Variants in TRAP1 observed in about 807,000 individuals in gnomAD.
TRAP1 encodes TNF receptor associated protein 1, also known as heat shock protein 75 kDa, mitochondrial.
Under a neutral mutation model 89.1 loss-of-function variants are expected in TRAP1, and 102 were observed. The ratio of observed to expected loss-of-function variants is 1.15; its 90% confidence interval spans 0.98 to 1.35. The LOEUF is 1.35. TRAP1 is among the 40% of genes most tolerant of loss of function. The probability of loss-of-function intolerance (pLI) is 0.00; values close to 1 mark genes in which losing one functional copy is unlikely to be tolerated. For missense variants in TRAP1, 1,256 were observed against 945.3 expected, an observed-to-expected ratio of 1.33 and a Z score of -4.31; for synonymous variants, 508 against 388.0, an observed-to-expected ratio of 1.31 and a Z score of -3.64.
intron 11 of TRAP1, among the ~76,000 whole-genome samples, chr16:3,668,865 T>G (rs2050872779): frequency 6.6e-6 from 1 of 152,140 alleles, no homozygotes; most frequent in Non-Finnish European, 1.5e-5. Flanking sequence ...CAGTTCTCAG[T>G]GGAGAAGAAA....
At position 3,679,793 on chromosome 16, in the gene TRAP1, G is replaced by C; in HGVS notation, c.472-3C>G. 3 of 1,614,028 alleles carry C rather than the reference G, an allele frequency of 1.9e-6. No homozygotes were observed. The highest frequency in any genetic ancestry group is 2.5e-6 in the Non-Finnish European group (3 of 1,179,994). On this transcript the variant is annotated splice_polypyrimidine_tract_variant and splice_region_variant and intron_variant, in intron 4 of 17. Coordinates refer to ENST00000246957, the MANE Select transcript of TRAP1 (RefSeq NM_016292.3). ...TGTGTCATCCCGATACCAGTATCCTGAGGAGAGAGACGCACTAAGTGCCAA... is the reference window on the plus strand; with the variant it reads ...TGTGTCATCCCGATACCAGTATCCTCAGGAGAGAGACGCACTAAGTGCCAA...
intron 1 of TRAP1, among the ~76,000 whole-genome samples, chr16:3,704,930 A>T: frequency 6.6e-6 from 1 of 152,188 alleles, no homozygotes. Flanking sequence ...AATAAAAGCT[A>T]AAAGTACTGA....
At chr16:3,673,213 G>A (rs1014642424) in intron 9 of TRAP1, among the ~76,000 whole-genome samples, 2 of 152,228 alleles carry the variant, frequency 1.3e-5, no homozygotes, top group African/African-American at 4.8e-5. Flanking sequence ...TCAAACAGTT[G>A]AGGAAAGATT....
chr16:3,666,154 G>A (rs1308263404), intron 11 of TRAP1, 36 bp from the exon 12 acceptor site: 1 of 1,588,774 alleles, frequency 6.3e-7, no homozygotes. Context: ...CATACAAGCA[G>A]CCTCTATGAA....
intron 1 of TRAP1, among the ~76,000 whole-genome samples, chr16:3,698,047 G>C (rs574089409): frequency 2.0e-5 from 3 of 151,842 alleles, no homozygotes; most frequent in African/African-American, 4.8e-5. Flanking sequence ...TCCTGACCTC[G>C]TGATCCGTCT....
chr16:3,682,392 A>C (rs1567234009), intron 4 of TRAP1, among the ~76,000 whole-genome samples: 1 of 151,406 alleles, frequency 6.6e-6, no homozygotes, highest in Non-Finnish European at 1.5e-5. Flanking sequence ...CTCTACAAAA[A>C]AAAAAAAAAA....
At chr16:3,706,048 C>A (rs2051440260) in intron 1 of TRAP1, among the ~76,000 whole-genome samples, 1 of 149,484 alleles carries the variant, frequency 6.7e-6, no homozygotes, top group African/African-American at 2.5e-5. Flanking sequence ...GGTGTAATCT[C>A]CGCTCACTGC....
chr16:3,698,739 T>G (rs2051325021), intron 1 of TRAP1, among the ~76,000 whole-genome samples: 1 of 151,928 alleles, frequency 6.6e-6, no homozygotes, highest in Non-Finnish European at 1.5e-5. Context: ...AAACCCCATC[T>G]CTACAAAAAA....
Position 3,663,300 on chromosome 16 carries a change from C to T in TRAP1, c.1708+124G>A. 3 of 1,334,942 alleles carry T rather than the reference C, an allele frequency of 2.2e-6. No homozygotes were observed. In the South Asian group the frequency reaches 4.2e-5, roughly 19 times the overall value. 82.7% of individuals were successfully genotyped at this position (1,334,942 alleles called of 1,614,324 possible). On this transcript the variant is annotated intron_variant, in intron 14 of 17. Coordinates refer to ENST00000246957, the MANE Select transcript of TRAP1 (RefSeq NM_016292.3). Reference sequence around the variant, plus strand: ...GTCACCAGGGTGCTCCCACAAGGCTCTTCTCGGGGGTGGCTGAGCCCAGGT... The same window carrying T: ...GTCACCAGGGTGCTCCCACAAGGCTTTTCTCGGGGGTGGCTGAGCCCAGGT...
intron 1 of TRAP1, among the ~76,000 whole-genome samples, chr16:3,692,607 T>G (rs1173741253): frequency 6.7e-6 from 1 of 149,286 alleles, no homozygotes; most frequent in African/African-American, 2.5e-5. Flanking sequence ...TTTTTTTTTT[T>G]TTTTTTTTGA....
At chr16:3,658,934 G>T in intron 16 of TRAP1, 69 bp from the exon 17 acceptor site, 1 of 1,500,960 alleles carries the variant, frequency 6.7e-7, no homozygotes, top group Non-Finnish European at 9.2e-7. Flanking sequence ...TCATGTTTTG[G>T]GATTATCAGG....
At chr16:3,669,706 T>C (rs1810297812) in intron 11 of TRAP1, among the ~76,000 whole-genome samples, 1 of 151,260 alleles carries the variant, frequency 6.6e-6, no homozygotes, top group African/African-American at 2.4e-5. Context: ...TGGTGGTGGG[T>C]GCCTGTATCC....
At chr16:3,669,492 T>G in intron 11 of TRAP1, among the ~76,000 whole-genome samples, 1 of 152,132 alleles carries the variant, frequency 6.6e-6, no homozygotes, top group East Asian at 1.9e-4. Context: ...TCCGACCAAG[T>G]AACCCCACCC....
intron 1 of TRAP1, among the ~76,000 whole-genome samples, chr16:3,693,132 A>G (rs763555860): frequency 2.0e-5 from 3 of 151,644 alleles, no homozygotes; most frequent in Non-Finnish European, 4.4e-5. Flanking sequence ...TATTTTTAGT[A>G]GAGACGAGGT....
At chr16:3,685,036 C>T (rs1480467416) in intron 4 of TRAP1, among the ~76,000 whole-genome samples, 2 of 152,120 alleles carry the variant, frequency 1.3e-5, no homozygotes, top group Middle Eastern at 3.2e-3. Context: ...TGCTAAAGAC[C>T]AAGAATCATG....
chr16:3,661,980 G>A lies in TRAP1; in HGVS notation c.1940+7C>T. ...ACAGGCTGGAAGAGCCAGGAGCGTG[G>A]CCTCACCTGGGGTTGATCTCCAGCG... On this transcript the variant is annotated splice_region_variant and intron_variant, in intron 16 of 17. Coordinates refer to ENST00000246957, the MANE Select transcript of TRAP1 (RefSeq NM_016292.3). The A allele has an allele frequency of 1.9e-6, 3 of 1,597,360 alleles. No homozygotes were observed. Among genetic ancestry groups the A allele is most frequent in the Non-Finnish European group, 2.6e-6 (3 of 1,170,100 alleles).
At position 3,664,236 on chromosome 16, in the gene TRAP1, G is replaced by T. The variant is rs536877144; in HGVS notation, c.1569+38C>A. 1.4e-5 allele frequency: 21 copies of T among 1,503,358 alleles called. 1 individual carries two copies. The highest frequency in any genetic ancestry group is 1.8e-5 in the Non-Finnish European group (20 of 1,127,380). The allele number at this position is 1,503,358 out of a possible 1,614,324, so 93.1% of individuals were successfully genotyped here. A position where few individuals can be genotyped will look rare whatever the true frequency, so the allele number is the denominator to read the frequency against. ...AGAAGGTCAAGACCCTCCCCAGGTT[G>T]CAGCCCCCGGAGCCCGCCCCACCCA... On this transcript the variant is annotated intron_variant, in intron 13 of 17. Coordinates refer to ENST00000246957, the MANE Select transcript of TRAP1 (RefSeq NM_016292.3).
intron 2 of TRAP1, among the ~76,000 whole-genome samples, chr16:3,689,993 G>A (rs1163762141): frequency 6.6e-6 from 1 of 152,112 alleles, no homozygotes; most frequent in African/African-American, 2.4e-5. Flanking sequence ...CTGCCTCTAA[G>A]AACCAGATTA....
Position 3,679,744 on chromosome 16 carries a change from C to G in TRAP1, c.518G>C (p.Gly173Ala), listed in dbSNP as rs774232898. Residue 173 changes from glycine to alanine, a missense_variant, in exon 5 of 18, where the codon GGG (glycine) becomes GCG (alanine). Physicochemically the swap from Gly to Ala is moderately conservative, Grantham distance 60 (BLOSUM62 0). Coordinates refer to ENST00000246957, the MANE Select transcript of TRAP1 (RefSeq NM_016292.3). ...CTTTGACCCCGATCTGGCAATCGTC[C>G]CCAGGTTGGACACCAGCTCTTCCTG... ...MTQEELVSNL[G>A]TIARSGSKAF... 2.5e-6 allele frequency: 4 copies of G among 1,614,102 alleles called. No homozygotes were observed. In the South Asian group the frequency reaches 4.4e-5, roughly 18 times the overall value.
Sources: allele counts gnomAD v4.1 joint callset (sites outside exome capture counted in the v4.1 genomes callset), GRCh38; gene constraint gnomAD v4.1.1; transcripts MANE v1.5; gene names NCBI Gene and HGNC (gene_info 2026-07-23, HGNC 2026-07-21).